The following CLDN14 variants were observed in gnomAD, a reference collection of about 807,000 sequenced individuals.
CLDN14 encodes the protein claudin 14.
In CLDN14, 2 loss-of-function variants were observed where a neutral mutation model predicts 2.1. The ratio of observed to expected loss-of-function variants is 0.96; its 90% CI spans 0.39 to 3.01. The LOEUF (loss-of-function observed/expected upper bound fraction) is 3.01, where lower values mean the gene tolerates loss of function less well. Among genes scored for constraint, CLDN14 ranks in the 30% most tolerant of loss-of-function variants. CLDN14 has a pLI of 0.09. For missense variants in CLDN14, 298 were observed against 328.0 expected, an observed-to-expected ratio of 0.91 and a Z score of 0.71; for synonymous variants, 136 against 154.4, an observed-to-expected ratio of 0.88 and a Z score of 0.88.
chr21:36,473,484 G>T (rs984784988), intron 1 of CLDN14, among the ~76,000 whole-genome samples: 1 of 152,220 alleles, frequency 6.6e-6, no homozygotes, highest in African/African-American at 2.4e-5. Flanking sequence ...TATTCGATTG[G>T]CTCTGTTTCT....
intron 2 of CLDN14, among the ~76,000 whole-genome samples, chr21:36,508,517 C>G (rs1020451488): frequency 6.6e-6 from 1 of 152,164 alleles, no homozygotes; most frequent in African/African-American, 2.4e-5. Flanking sequence ...ATAGAGCACG[C>G]AGTCCTTCTA....
chr21:36,489,124 A>AAT (rs1555847016), intron 2 of CLDN14, among the ~76,000 whole-genome samples: 1 of 95,242 alleles, frequency 1.0e-5, no homozygotes, highest in Non-Finnish European at 2.3e-5. Context: ...AAAGAAAAAA[A>AAT]AAAAAAAATA....
chr21:36,553,188 G>A (rs2087574950), intron 1 of CLDN14, among the ~76,000 whole-genome samples: 1 of 152,220 alleles, frequency 6.6e-6, no homozygotes, highest in Non-Finnish European at 1.5e-5. Context: ...GCCCCCGTCT[G>A]TTGGAAGGAC....
intron 2 of CLDN14, among the ~76,000 whole-genome samples, chr21:36,488,333 G>A (rs1173478378): frequency 4.0e-5 from 6 of 149,854 alleles, no homozygotes; most frequent in African/African-American, 1.5e-4. Flanking sequence ...GTGCAGTGGC[G>A]GGATCTCAGT....
chr21:36,554,501 C>T (rs1351725089), intron 1 of CLDN14, among the ~76,000 whole-genome samples: 2 of 152,304 alleles, frequency 1.3e-5, no homozygotes, highest in South Asian at 2.1e-4. Flanking sequence ...GGGTCAGGCC[C>T]GCCTTGTTGG....
chr21:36,484,982 G>T (rs546260188), upstream of CLDN14, among the ~76,000 whole-genome samples: 3 of 151,944 alleles, frequency 2.0e-5, no homozygotes, highest in African/African-American at 7.2e-5. Context: ...AAAGTGCTGG[G>T]ATTACAGGCA....
At chr21:36,539,722 T>C (rs780396363) in intron 1 of CLDN14, among the ~76,000 whole-genome samples, 27 of 149,900 alleles carry the variant, frequency 1.8e-4, no homozygotes, top group Non-Finnish European at 3.1e-4. Context: ...GGTGTTAGTG[T>C]GTGTGGAGTG....
intron 2 of CLDN14, chr21:36,486,394 G>A (rs566796158): frequency 1.2e-5 from 13 of 1,079,736 alleles, no homozygotes; most frequent in East Asian, 4.7e-5. Flanking sequence ...GCAGCTGCTC[G>A]TCTGGGCTCC....
chr21:36,497,111 A>G (rs867976589), intron 2 of CLDN14, among the ~76,000 whole-genome samples: 11 of 14,456 alleles, frequency 7.6e-4, no homozygotes, highest in African/African-American at 2.9e-3. Flanking sequence ...GGGAGGGAGG[A>G]AGGGAGGGAG....
At chr21:36,565,632 T>G (rs941690396) in intron 1 of CLDN14, among the ~76,000 whole-genome samples, 3 of 152,156 alleles carry the variant, frequency 2.0e-5, no homozygotes, top group Non-Finnish European at 4.4e-5. Context: ...CTGCACAGGG[T>G]GGGCTCCAGC....
intron 1 of CLDN14, among the ~76,000 whole-genome samples, chr21:36,523,840 A>AAAGAAAGT (rs1568869011): frequency 6.9e-6 from 1 of 145,742 alleles, no homozygotes; most frequent in African/African-American, 2.6e-5. Context: ...AGAAAGAAAG[A>AAAGAAAGT]AAGTGGATTC....
At position 36,515,794 on chromosome 21, in the gene CLDN14, T is replaced by C. The variant is rs2087224302; in HGVS notation, c.-219-5294A>G. Among the ~76,000 whole-genome samples, 2 of 133,816 alleles carry C rather than the reference T, an allele frequency of 1.5e-5. 1 individual carries two copies. Among genetic ancestry groups the C allele is most frequent in the African/African-American group, 5.5e-5 (2 of 36,048 alleles). 87.8% of individuals were successfully genotyped at this position (133,816 alleles called of 152,430 possible). Reference sequence around the variant, plus strand: ...GTGTTTCCCTTTTATCTTCTCTTTTTTTTTTTTTTTGAGACAGAGTCTCAC... The same window carrying C: ...GTGTTTCCCTTTTATCTTCTCTTTTCTTTTTTTTTTGAGACAGAGTCTCAC... On this transcript the variant is annotated intron_variant, in intron 1 of 2. Transcript: ENST00000342108.
intron 1 of CLDN14, among the ~76,000 whole-genome samples, chr21:36,512,987 A>C (rs2087197593): frequency 6.6e-6 from 1 of 152,224 alleles, no homozygotes; most frequent in Non-Finnish European, 1.5e-5. Flanking sequence ...CTAAAGGTAA[A>C]AATGGTGGCG....
At chr21:36,467,707 G>C (rs1288076806) in intron 1 of CLDN14, among the ~76,000 whole-genome samples, 3 of 152,186 alleles carry the variant, frequency 2.0e-5, no homozygotes, top group African/African-American at 7.2e-5. Context: ...GGGTGTTTGA[G>C]TCCCTTACTC....
chr21:36,492,442 A>AAAG (rs2086977391), intron 2 of CLDN14, among the ~76,000 whole-genome samples: 1 of 106,844 alleles, frequency 9.4e-6, no homozygotes, highest in Non-Finnish European at 1.8e-5. Context: ...CTCCGTCCCA[A>AAAG]AAAAAAAAAA....
chr21:36,563,175 T>C (rs1034840743), intron 1 of CLDN14, among the ~76,000 whole-genome samples: 1 of 152,102 alleles, frequency 6.6e-6, no homozygotes, highest in Non-Finnish European at 1.5e-5. Context: ...AACAAGAAAA[T>C]GCATGACACT....
rs149776602 is a variant in CLDN14 at position 36,472,699 on chromosome 21, C to T, written c.-82+6796G>A. Among the ~76,000 whole-genome samples, 167 of 152,262 alleles carry T rather than the reference C, an allele frequency of 1.1e-3. 1 individual carries two copies. Among genetic ancestry groups the T allele is most frequent in the Middle Eastern group, 3.4e-3 (1 of 294 alleles). On this transcript the variant is annotated intron_variant, in intron 1 of 1. Transcript: ENST00000399135. The stretch of plus-strand genomic sequence containing the variant: ...ACAGAAATTAATTTTCTCACAATTC[C>T]GGAGGCTGGAAAGTCCAAGACCAAG...
intron 1 of CLDN14, among the ~76,000 whole-genome samples, chr21:36,479,233 A>C (rs1242119444): frequency 6.6e-6 from 1 of 151,912 alleles, no homozygotes; most frequent in Admixed American, 6.6e-5. Flanking sequence ...CTGCCCAAAC[A>C]CTCAGGAACT....
chr21:36,462,136 C>T (rs1239611043), intron 1 of CLDN14, among the ~76,000 whole-genome samples: 1 of 152,172 alleles, frequency 6.6e-6, no homozygotes, highest in Admixed American at 6.5e-5. Context: ...TTATTCATGC[C>T]TTGGACTGAC....
Sources: allele counts gnomAD v4.1 joint callset (sites outside exome capture counted in the v4.1 genomes callset), GRCh38; gene constraint gnomAD v4.1.1; transcripts MANE v1.5; gene names NCBI Gene and HGNC (gene_info 2026-07-23, HGNC 2026-07-21).